The following C5 variants were observed in gnomAD, a reference collection of about 807,000 sequenced individuals.
C5 encodes the protein complement C5.
A neutral mutation model predicts 218.8 loss-of-function variants in C5; 140 were observed. The observed-to-expected ratio is 0.64, with a 90% confidence interval of 0.56 to 0.74. The LOEUF is 0.74. C5 is among the 30% of genes least tolerant of loss of function. C5 has a pLI of 0.00. For missense variants in C5, 1,700 were observed against 1,969.6 expected, an observed-to-expected ratio of 0.86 and a Z score of 2.59; for synonymous variants, 614 against 682.3, an observed-to-expected ratio of 0.90 and a Z score of 1.56.
intron 20 of C5, 34 bp from the exon 21 acceptor site, chr9:120,997,808 A>C: frequency 1.5e-6 from 2 of 1,378,486 alleles, no homozygotes; most frequent in South Asian, 1.3e-5. Flanking sequence ...ATCAAAATAC[A>C]TTTTTTTTTT....
intron 25 of C5, 107 bp downstream of exon 25, chr9:120,988,939 C>T (rs913392732): frequency 1.3e-5 from 11 of 827,010 alleles, no homozygotes; most frequent in African/African-American, 6.7e-5. Flanking sequence ...TGAAGGATGA[C>T]GAGGCTTTTA....
intron 20 of C5, among the ~76,000 whole-genome samples, chr9:121,001,905 A>G (rs2047164367): frequency 6.6e-6 from 1 of 152,112 alleles, no homozygotes; most frequent in South Asian, 2.1e-4. Flanking sequence ...GAAGATATGT[A>G]TGCATAAATG....
chr9:121,044,954 T>C (rs1167737633), intron 2 of C5, among the ~76,000 whole-genome samples: 1 of 149,832 alleles, frequency 6.7e-6, no homozygotes, highest in Non-Finnish European at 1.5e-5. Flanking sequence ...CTTTCTTTTT[T>C]TTTTTTTTTT....
At chr9:120,986,024 T>G (rs2047030373) in intron 25 of C5, among the ~76,000 whole-genome samples, 1 of 152,180 alleles carries the variant, frequency 6.6e-6, no homozygotes, top group African/African-American at 2.4e-5. Flanking sequence ...GCACACAGTT[T>G]TCCAAGCCCC....
At chr9:121,070,896 A>C in the C5 span, among the ~76,000 whole-genome samples, 1 of 152,228 alleles carries the variant, frequency 6.6e-6, no homozygotes, top group Non-Finnish European at 1.5e-5. Context: ...TCTTCCTAAA[A>C]TAAACATATG....
At chr9:121,005,525 G>A (rs1587974125) in intron 20 of C5, among the ~76,000 whole-genome samples, 1 of 152,112 alleles carries the variant, frequency 6.6e-6, no homozygotes, top group Non-Finnish European at 1.5e-5. Flanking sequence ...ATTTCAGAGA[G>A]GATGATAAGA....
chr9:121,071,369 A>C, the C5 span, among the ~76,000 whole-genome samples: 31 of 152,152 alleles, frequency 2.0e-4, no homozygotes, highest in African/African-American at 7.2e-4. Flanking sequence ...CAAAAACAAA[A>C]AAAAATAAAT....
intron 4 of C5, among the ~76,000 whole-genome samples, chr9:121,037,385 C>A (rs1317877168): frequency 2.0e-5 from 3 of 150,914 alleles, no homozygotes; most frequent in Admixed American, 1.3e-4. Flanking sequence ...ACAATCTCGG[C>A]TCACTGCAAG....
intron 6 of C5, among the ~76,000 whole-genome samples, chr9:121,031,566 C>G (rs1422077496): frequency 2.0e-5 from 3 of 152,098 alleles, no homozygotes; most frequent in African/African-American, 7.2e-5. Context: ...TGATGGGGAA[C>G]ACAAGTACAC....
chr9:121,008,576 T>A, intron 17 of C5, 78 bp from the exon 18 acceptor site: 1 of 1,007,262 alleles, frequency 9.9e-7, no homozygotes, highest in Non-Finnish European at 1.6e-6. Flanking sequence ...ATATGGCCAT[T>A]AATCTGTAAC....
In C5 at chr9:121,015,727, G is replaced by A. The variant is rs538280028; in HGVS notation, c.1997-466C>T. 2.0e-5 allele frequency among the ~76,000 whole-genome samples: 3 copies of A among 152,330 alleles called. No homozygotes were observed. The South Asian group carries it at 6.2e-4, about 32-fold the overall frequency. On this transcript the variant is annotated intron_variant, in intron 15 of 40. Transcript: ENST00000223642. Reference sequence around the variant, plus strand: ...CTATCCTTAAAGAGCTCCTGATGCAGTAGGTGAGCAGGACTTACAACTACA... The same window carrying A: ...CTATCCTTAAAGAGCTCCTGATGCAATAGGTGAGCAGGACTTACAACTACA...
intron 25 of C5, among the ~76,000 whole-genome samples, chr9:120,985,549 C>G (rs1343920976): frequency 6.6e-6 from 1 of 151,122 alleles, no homozygotes; most frequent in Non-Finnish European, 1.5e-5. Flanking sequence ...AAATGGTTGT[C>G]CATCAAGATA....
intron 20 of C5, among the ~76,000 whole-genome samples, chr9:121,003,646 A>C (rs1348133237): frequency 6.6e-6 from 1 of 152,218 alleles, no homozygotes; most frequent in Admixed American, 6.5e-5. Flanking sequence ...GTGAAGCTCC[A>C]AGATATAAGA....
intron 20 of C5, among the ~76,000 whole-genome samples, chr9:121,002,837 A>G (rs2047183513): frequency 6.6e-6 from 1 of 152,006 alleles, no homozygotes. Flanking sequence ...TCCTTCTCCA[A>G]CTCTTCACGT....
intron 30 of C5, 126 bp downstream of exon 30, chr9:120,974,653 A>G (rs1295909964): frequency 1.1e-6 from 1 of 915,060 alleles, no homozygotes; most frequent in East Asian, 2.5e-5. Context: ...ATCCCTGTTT[A>G]GGACATAGCT....
chr9:120,952,979 A>G (rs2046756772), intron 40 of C5, 111 bp from the exon 41 acceptor site: 3 of 1,156,814 alleles, frequency 2.6e-6, no homozygotes, highest in Admixed American at 1.9e-5. Context: ...GCTGGAGTGC[A>G]GTGGCGTGAT....
chr9:121,028,920 A>G (rs987068681), intron 7 of C5, among the ~76,000 whole-genome samples: 3 of 152,078 alleles, frequency 2.0e-5, no homozygotes, highest in Non-Finnish European at 4.4e-5. Context: ...TGCTAGATGA[A>G]AAAAATTGAT....
intron 26 of C5, 22 bp from the exon 27 acceptor site, chr9:120,981,961 A>T: frequency 6.5e-7 from 1 of 1,538,262 alleles, no homozygotes; most frequent in Non-Finnish European, 9.0e-7. Flanking sequence ...CAATGTTTTA[A>T]AAGGGGAGTG....
At chr9:120,992,428 A>G (rs1359960555) in intron 22 of C5, among the ~76,000 whole-genome samples, 11 of 152,248 alleles carry the variant, frequency 7.2e-5, no homozygotes, top group Admixed American at 7.2e-4. Flanking sequence ...AATGGAGATA[A>G]CAACATTTTC....
Sources: gnomAD v4.1 joint callset for allele counts (sites outside exome capture counted in the v4.1 genomes callset) on GRCh38, gnomAD v4.1.1 for gene constraint, MANE v1.5 for transcripts, NCBI Gene and HGNC (gene_info 2026-07-23, HGNC 2026-07-21) for gene names.